Variants in PLS1 observed in about 807,000 individuals in gnomAD.
The protein encoded by PLS1 is plastin 1, also known as plastin-1.
A neutral mutation model predicts 73.7 loss-of-function variants in PLS1; 32 were observed. That is an observed-to-expected ratio of 0.43 (90% confidence interval 0.33 to 0.58). The LOEUF is 0.58. Among genes scored for constraint, PLS1 ranks in the 20% least tolerant of loss-of-function variants. PLS1 has a pLI of 0.04. For synonymous variants in PLS1, 217 were observed against 261.3 expected (o/e 0.83, Z 1.63); for missense variants, 633 against 740.5 (o/e 0.85, Z 1.68).
rs145787690 is a variant in PLS1, at chr3:142,657,678, C to T, written c.-36-6524C>T. ...CTAATTTTTGTATTTTTAGTAGAGA[C>T]GGGGTTTCACTGTGTTGGCCAGGCT... On this transcript the variant is annotated intron_variant, in intron 1 of 15. Coordinates refer to ENST00000457734, the MANE Select transcript of PLS1 (RefSeq NM_001145319.2). Among the ~76,000 whole-genome samples the T allele has an allele frequency of 1.2e-3, 182 of 152,050 alleles. 2 individuals carry two copies. The highest frequency in any genetic ancestry group is 6.8e-3 in the Middle Eastern group (2 of 292).
chr3:142,637,483 C>T (rs1482066006), intron 1 of PLS1, among the ~76,000 whole-genome samples: 1 of 152,062 alleles, frequency 6.6e-6, no homozygotes, highest in Non-Finnish European at 1.5e-5. Flanking sequence ...TCTAATATGT[C>T]AAAACTTCAC....
intron 2 of PLS1, among the ~76,000 whole-genome samples, chr3:142,667,750 T>C (rs1429422923): frequency 1.3e-5 from 2 of 152,198 alleles, no homozygotes; most frequent in African/African-American, 4.8e-5. Flanking sequence ...TATTTTAAAA[T>C]ATTTCCTGCT....
chr3:142,697,795 A>G (rs2038241568), intron 11 of PLS1, among the ~76,000 whole-genome samples, 158 bp from the exon 12 acceptor site: 1 of 152,238 alleles, frequency 6.6e-6, no homozygotes, highest in Non-Finnish European at 1.5e-5. Flanking sequence ...ACAGATTCTT[A>G]GACTGGAAGT....
chr3:142,628,232 A>G (rs1271953591), intron 1 of PLS1, among the ~76,000 whole-genome samples: 1 of 152,080 alleles, frequency 6.6e-6, no homozygotes, highest in Non-Finnish European at 1.5e-5. Flanking sequence ...ACCAGCTTTG[A>G]CACTTACTAG....
intron 4 of PLS1, among the ~76,000 whole-genome samples, chr3:142,672,937 C>T (rs976960340): frequency 3.9e-5 from 6 of 152,096 alleles, no homozygotes; most frequent in Admixed American, 6.6e-5. Flanking sequence ...TCCCTCTTCC[C>T]GAAGGCTCTG....
At chr3:142,670,054 T>C (rs2037572365) in intron 3 of PLS1, among the ~76,000 whole-genome samples, 1 of 152,148 alleles carries the variant, frequency 6.6e-6, no homozygotes, top group South Asian at 2.1e-4. Flanking sequence ...ATTGGAGAAT[T>C]GCTATGACAG....
chr3:142,657,112 A>G (rs927334408), intron 1 of PLS1: 1 of 152,206 alleles, frequency 6.6e-6, no homozygotes, highest in Admixed American at 6.5e-5. Flanking sequence ...AAGCTCTTCT[A>G]TTCTCCATCA....
At chr3:142,711,464 G>C in intron 14 of PLS1, 37 bp from the exon 15 acceptor site, 1 of 1,451,414 alleles carries the variant, frequency 6.9e-7, no homozygotes, top group Non-Finnish European at 9.6e-7. Context: ...TTAAAGGTCA[G>C]ATGTTTATGA....
intron 1 of PLS1, among the ~76,000 whole-genome samples, chr3:142,629,072 A>G (rs1293676884): frequency 2.0e-5 from 3 of 152,198 alleles, no homozygotes; most frequent in Non-Finnish European, 4.4e-5. Context: ...AGTTGTTTTG[A>G]TACTAATATG....
At chr3:142,678,852 A>C (rs1467133969) in intron 6 of PLS1, among the ~76,000 whole-genome samples, 1 of 151,688 alleles carries the variant, frequency 6.6e-6, no homozygotes, top group East Asian at 1.9e-4. Context: ...CGCCACACTG[A>C]CTTCCACAAT....
chr3:142,646,281 T>C (rs1191024262), intron 1 of PLS1, among the ~76,000 whole-genome samples: 1 of 152,198 alleles, frequency 6.6e-6, no homozygotes, highest in Non-Finnish European at 1.5e-5. Context: ...CCACTGTGTA[T>C]GAGGCATGAG....
At chr3:142,596,610 TCTCCGGGTCCC>T (rs1217105291) in intron 1 of PLS1, 101 bp downstream of exon 1, 4 of 152,384 alleles carry the variant, frequency 2.6e-5, no homozygotes, top group African/African-American at 9.7e-5. Context: ...GGGGGCAGTA[TCTCCGGGTCCC>T]CTCGCTCGCG....
At chr3:142,692,395 T>C (rs1422343379) in intron 10 of PLS1, among the ~76,000 whole-genome samples, 1 of 152,140 alleles carries the variant, frequency 6.6e-6, no homozygotes, top group Non-Finnish European at 1.5e-5. Flanking sequence ...ACTTCTAAGA[T>C]TGCTTTAGCT....
chr3:142,620,046 T>A (rs1338576674), intron 1 of PLS1, among the ~76,000 whole-genome samples: 2 of 152,076 alleles, frequency 1.3e-5, no homozygotes, highest in African/African-American at 2.4e-5. Context: ...GCCCAGAAAC[T>A]CTCTGGTTGC....
chr3:142,644,984 G>A (rs1054127285), intron 1 of PLS1, among the ~76,000 whole-genome samples: 15 of 152,170 alleles, frequency 9.9e-5, no homozygotes, highest in Non-Finnish European at 1.9e-4. Flanking sequence ...TCTTTTGCGA[G>A]TAGGAAAAAC....
At chr3:142,604,918 A>C (rs1333212389) in intron 1 of PLS1, among the ~76,000 whole-genome samples, 1 of 149,806 alleles carries the variant, frequency 6.7e-6, no homozygotes, top group Non-Finnish European at 1.5e-5. Flanking sequence ...CCTGGGCAGC[A>C]GAGCAAGACT....
At chr3:142,625,924 T>C (rs1049622481) in intron 1 of PLS1, among the ~76,000 whole-genome samples, 16 of 152,228 alleles carry the variant, frequency 1.1e-4, no homozygotes, top group Admixed American at 9.2e-4. Flanking sequence ...CAGTGTGCTG[T>C]AATTGTGCCA....
chr3:142,655,156 G>A (rs1026694443), intron 1 of PLS1, among the ~76,000 whole-genome samples: 7 of 152,164 alleles, frequency 4.6e-5, no homozygotes, highest in African/African-American at 9.6e-5. Flanking sequence ...GTACATGAAC[G>A]GAATAATACA....
intron 7 of PLS1, 39 bp from the exon 8 acceptor site, chr3:142,684,214 G>A (rs1270446263): frequency 6.2e-7 from 1 of 1,613,600 alleles, no homozygotes; most frequent in Non-Finnish European, 8.5e-7. Context: ...ACATGTACTT[G>A]CTATGGGAAG....
Sources: allele counts gnomAD v4.1 joint callset (sites outside exome capture counted in the v4.1 genomes callset), GRCh38; gene constraint gnomAD v4.1.1; transcripts MANE v1.5; gene names NCBI Gene and HGNC (gene_info 2026-07-23, HGNC 2026-07-21).